RIT2: variants seen among roughly 807,000 people sequenced by gnomAD.
RIT2 encodes the protein GTP-binding protein Rit2.
In RIT2, 24 loss-of-function variants were observed where a neutral mutation model predicts 23.7. That is an observed-to-expected ratio of 1.01 (90% CI 0.73 to 1.43). The LOEUF is 1.43. Ranked by LOEUF, RIT2 falls within the 40% of genes most tolerant of loss-of-function variation. RIT2 has a pLI of 0.00. For synonymous variants in RIT2, 107 were observed against 91.1 expected (o/e 1.17, Z -0.99); for missense variants, 236 against 266.9 (o/e 0.88, Z 0.81).
chr18:43,039,434 C>T (rs894497735), intron 1 of RIT2, among the ~76,000 whole-genome samples: 6 of 151,340 alleles, frequency 4.0e-5, no homozygotes, highest in Admixed American at 2.6e-4. Flanking sequence ...CTGCAGGCCC[C>T]GCCTCCTGGG....
chr18:42,766,223 T>G (rs1913418829), intron 4 of RIT2, among the ~76,000 whole-genome samples: 1 of 151,994 alleles, frequency 6.6e-6, no homozygotes, highest in Non-Finnish European at 1.5e-5. Context: ...GACAGGAAAA[T>G]GTGGGAAAGT....
intron 2 of RIT2, among the ~76,000 whole-genome samples, chr18:42,975,999 T>C (rs1910470060): frequency 6.6e-6 from 1 of 152,096 alleles, no homozygotes; most frequent in Non-Finnish European, 1.5e-5. Flanking sequence ...TGTGTGACTA[T>C]TTTCTAATTT....
chr18:42,770,730 T>C (rs1913531563), intron 4 of RIT2, among the ~76,000 whole-genome samples: 1 of 151,638 alleles, frequency 6.6e-6, no homozygotes, highest in Admixed American at 6.6e-5. Context: ...TAGCAAAATA[T>C]ATTTCAGTTA....
intron 4 of RIT2, among the ~76,000 whole-genome samples, chr18:42,830,334 G>A (rs1027691930): frequency 6.6e-6 from 1 of 152,178 alleles, no homozygotes; most frequent in Non-Finnish European, 1.5e-5. Flanking sequence ...CTGTTTTCTA[G>A]TCACAGTAAA....
At chr18:43,096,029 A>G (rs1913544377) in intron 1 of RIT2, among the ~76,000 whole-genome samples, 3 of 151,972 alleles carry the variant, frequency 2.0e-5, no homozygotes, top group Admixed American at 1.3e-4. Flanking sequence ...TTAGAAGAAA[A>G]AAACACTTGT....
intron 1 of RIT2, among the ~76,000 whole-genome samples, chr18:43,076,623 C>T (rs539682640): frequency 4.6e-5 from 7 of 152,074 alleles, no homozygotes; most frequent in African/African-American, 1.4e-4. Flanking sequence ...GGGAAGTTGC[C>T]AGATGGTCTA....
At chr18:42,954,265 T>C (rs1312372284) in intron 3 of RIT2, among the ~76,000 whole-genome samples, 1 of 150,326 alleles carries the variant, frequency 6.7e-6, no homozygotes, top group Non-Finnish European at 1.5e-5. Context: ...TAATCCCGGC[T>C]ACTTGGGAGG....
At chr18:42,767,816 T>C (rs905135728) in intron 4 of RIT2, among the ~76,000 whole-genome samples, 8 of 152,172 alleles carry the variant, frequency 5.3e-5, no homozygotes, top group Non-Finnish European at 1.0e-4. Flanking sequence ...TGATAGTGAA[T>C]AAGTCTCATA....
intron 4 of RIT2, among the ~76,000 whole-genome samples, chr18:42,812,573 C>T (rs921364875): frequency 6.6e-6 from 1 of 152,070 alleles, no homozygotes; most frequent in African/African-American, 2.4e-5. Context: ...GTGTTCTACT[C>T]CTAGGAACTT....
chr18:42,853,917 A>G (rs1292110243), intron 4 of RIT2, among the ~76,000 whole-genome samples: 3 of 152,252 alleles, frequency 2.0e-5, no homozygotes, highest in Admixed American at 6.5e-5. Context: ...GTATTCAAAT[A>G]AAACTTATTT....
intron 3 of RIT2, among the ~76,000 whole-genome samples, chr18:42,944,519 G>GCCC (rs1215115828): frequency 1.3e-5 from 2 of 152,014 alleles, no homozygotes; most frequent in African/African-American, 4.8e-5. Context: ...GGGCCCCTGT[G>GCCC]ATTTCGAGAG....
chr18:42,916,233 G>C (rs1205922529), intron 4 of RIT2, among the ~76,000 whole-genome samples: 1 of 151,956 alleles, frequency 6.6e-6, no homozygotes, highest in Non-Finnish European at 1.5e-5. Flanking sequence ...CTTTTGGTTT[G>C]GGGACAACAT....
intron 4 of RIT2, among the ~76,000 whole-genome samples, chr18:42,909,777 C>T (rs1485587170): frequency 1.3e-5 from 2 of 150,628 alleles, no homozygotes; most frequent in Non-Finnish European, 2.9e-5. Context: ...CTGAAGGAAA[C>T]GCTAAACTAA....
intron 1 of RIT2, among the ~76,000 whole-genome samples, chr18:43,099,971 G>A (rs1913644889): frequency 1.3e-5 from 2 of 152,080 alleles, no homozygotes; most frequent in African/African-American, 4.8e-5. Context: ...ATACATTGAA[G>A]CTTCACAAGT....
intron 2 of RIT2, among the ~76,000 whole-genome samples, chr18:43,016,071 T>A (rs1038638041): frequency 1.3e-5 from 2 of 151,804 alleles, no homozygotes; most frequent in African/African-American, 4.8e-5. Flanking sequence ...AATACATTTT[T>A]AAAAAATGCT....
intron 4 of RIT2, among the ~76,000 whole-genome samples, chr18:42,871,856 T>C (rs1230710090): frequency 1.3e-5 from 2 of 152,226 alleles, no homozygotes; most frequent in African/African-American, 4.8e-5. Context: ...CTTCTCTAAG[T>C]AACAAGACTT....
intron 4 of RIT2, among the ~76,000 whole-genome samples, chr18:42,923,047 T>C (rs1909091489): frequency 6.6e-6 from 1 of 152,104 alleles, no homozygotes; most frequent in Non-Finnish European, 1.5e-5. Context: ...ACCTGGGAGA[T>C]TTTCGTGTTC....
At chr18:42,892,905 C>G (rs1281980016) in intron 4 of RIT2, among the ~76,000 whole-genome samples, 1 of 152,110 alleles carries the variant, frequency 6.6e-6, no homozygotes, top group East Asian at 1.9e-4. Flanking sequence ...AGTGAAAGAA[C>G]TAACACTAAT....
intron 3 of RIT2, 108 bp downstream of exon 3, chr18:42,973,966 G>A (rs904871310): frequency 6.1e-6 from 4 of 651,036 alleles, no homozygotes; most frequent in Non-Finnish European, 1.1e-5. Flanking sequence ...TCACAAATTT[G>A]TTCTTCTTCT....
Sources: allele counts gnomAD v4.1 joint callset (sites outside exome capture counted in the v4.1 genomes callset), GRCh38; gene constraint gnomAD v4.1.1; transcripts MANE v1.5; gene names NCBI Gene and HGNC (gene_info 2026-07-23, HGNC 2026-07-21).